Variants in GPC6 observed in about 807,000 individuals in gnomAD.
The protein encoded by GPC6 is glypican-6.
GPC6 carries 14 observed loss-of-function variants against 55.2 expected under a neutral mutation model. The ratio of observed to expected loss-of-function variants is 0.25; its 90% CI spans 0.17 to 0.40. GPC6 has a LOEUF of 0.40. GPC6 is among the 10% of genes least tolerant of loss of function. GPC6 has a pLI of 1.00. For missense variants in GPC6, 641 were observed against 708.5 expected (o/e 0.90, Z 1.08); for synonymous variants, 278 against 259.6 (o/e 1.07, Z -0.68).
intron 1 of GPC6, among the ~76,000 whole-genome samples, chr13:93,239,636 G>T (rs4773724): frequency 0.57 from 86,042 of 150,960 alleles, 25,061 homozygotes; most frequent in African/African-American, 0.67. Context: ...GTTTTGTTTA[G>T]TTCTGGTCTG....
chr13:93,732,053 G>A (rs1350105673), intron 2 of GPC6, among the ~76,000 whole-genome samples: 5 of 152,070 alleles, frequency 3.3e-5, no homozygotes, highest in African/African-American at 1.2e-4. Flanking sequence ...TCGAAGCAAA[G>A]AAAAAAGAAG....
At chr13:93,705,890 T>A (rs962896011) in intron 2 of GPC6, among the ~76,000 whole-genome samples, 1 of 151,742 alleles carries the variant, frequency 6.6e-6, no homozygotes, top group South Asian at 2.1e-4. Context: ...TGTAATTTTC[T>A]TGTAATTATG....
chr13:93,299,361 AG>A (rs563549052), intron 1 of GPC6, among the ~76,000 whole-genome samples: 6 of 152,218 alleles, frequency 3.9e-5, no homozygotes, highest in Non-Finnish European at 8.8e-5. Flanking sequence ...CCTTCATGGA[AG>A]CTAAGTACTT....
intron 3 of GPC6, chr13:93,836,107 G>A (rs972136089): frequency 6.6e-6 from 1 of 152,154 alleles, no homozygotes; most frequent in African/African-American, 2.4e-5. Flanking sequence ...CTCTTAAGTG[G>A]TTCATTCCCA....
At chr13:93,373,732 T>C (rs781259164) in intron 1 of GPC6, among the ~76,000 whole-genome samples, 7 of 152,238 alleles carry the variant, frequency 4.6e-5, no homozygotes. Flanking sequence ...GTTAATCACA[T>C]AGTTAATTCC....
chr13:93,353,142 TA>T (rs1249374197), intron 1 of GPC6, among the ~76,000 whole-genome samples: 1 of 152,148 alleles, frequency 6.6e-6, no homozygotes, highest in East Asian at 1.9e-4. Flanking sequence ...TGCTTTTTAC[TA>T]CCAAAGAGGA....
intron 4 of GPC6, among the ~76,000 whole-genome samples, chr13:94,095,791 GTAAT>G (rs1319692647): frequency 2.0e-5 from 3 of 152,268 alleles, no homozygotes; most frequent in Admixed American, 1.3e-4. Flanking sequence ...GGCTATTCCA[GTAAT>G]GCATTAAATT....
intron 2 of GPC6, among the ~76,000 whole-genome samples, chr13:93,582,548 T>C (rs527395009): frequency 6.6e-6 from 1 of 152,244 alleles, no homozygotes; most frequent in Non-Finnish European, 1.5e-5. Flanking sequence ...TAACCCCATT[T>C]CATAGGAGGG....
the GPC6 span, among the ~76,000 whole-genome samples, chr13:93,216,808 A>G: frequency 1.3e-5 from 2 of 152,210 alleles, no homozygotes; most frequent in African/African-American, 4.8e-5. Flanking sequence ...TGGCAAGACA[A>G]AATTTTCTCC....
chr13:94,345,485 A>G (rs1326312297), intron 6 of GPC6, among the ~76,000 whole-genome samples: 1 of 152,332 alleles, frequency 6.6e-6, no homozygotes, highest in East Asian at 1.9e-4. Flanking sequence ...CTGTTCATCT[A>G]CTTTTATTTA....
At chr13:94,101,392 T>C (rs1885853911) in intron 4 of GPC6, among the ~76,000 whole-genome samples, 1 of 152,232 alleles carries the variant, frequency 6.6e-6, no homozygotes, top group Admixed American at 6.5e-5. Context: ...CTTGAACTTA[T>C]GTCCATGGAC....
At chr13:94,071,766 G>A (rs980289663) in intron 4 of GPC6, among the ~76,000 whole-genome samples, 1 of 152,120 alleles carries the variant, frequency 6.6e-6, no homozygotes, top group African/African-American at 2.4e-5. Context: ...TAAAAAATAT[G>A]CAGTGAAGTT....
intron 4 of GPC6, among the ~76,000 whole-genome samples, chr13:94,081,627 G>A (rs1331203906): frequency 6.6e-6 from 1 of 152,096 alleles, no homozygotes; most frequent in Non-Finnish European, 1.5e-5. Flanking sequence ...TCCATATGTA[G>A]GCAAAGTTGA....
At chr13:94,348,472 A>G (rs1878390605) in intron 6 of GPC6, among the ~76,000 whole-genome samples, 1 of 152,198 alleles carries the variant, frequency 6.6e-6, no homozygotes. Flanking sequence ...AAACTCCCAG[A>G]TAAGGCCAAT....
chr13:94,311,134 C>T (rs919773575), intron 6 of GPC6, among the ~76,000 whole-genome samples: 6 of 152,176 alleles, frequency 3.9e-5, no homozygotes, highest in Admixed American at 2.6e-4. Context: ...GACAAGAACA[C>T]TCAGGCTATC....
intron 1 of GPC6, among the ~76,000 whole-genome samples, chr13:93,533,159 G>C (rs1269140775): frequency 1.3e-5 from 2 of 152,138 alleles, no homozygotes; most frequent in Non-Finnish European, 2.9e-5. Flanking sequence ...TGGAGGTTTA[G>C]GGTATTTGAA....
At chr13:94,327,436 A>C (rs1877182288) in intron 6 of GPC6, among the ~76,000 whole-genome samples, 1 of 151,618 alleles carries the variant, frequency 6.6e-6, no homozygotes, top group South Asian at 2.1e-4. Context: ...CCCCATCTCT[A>C]CCTCACAGCT....
the GPC6 span, among the ~76,000 whole-genome samples, chr13:93,218,622 A>G: frequency 6.6e-6 from 1 of 152,334 alleles, no homozygotes; most frequent in Admixed American, 6.5e-5. Context: ...AGGAATCTAA[A>G]CTAAAACAAA....
At chr13:94,015,752 T>C (rs1882440631) in intron 3 of GPC6, among the ~76,000 whole-genome samples, 1 of 152,178 alleles carries the variant, frequency 6.6e-6, no homozygotes, top group African/African-American at 2.4e-5. Flanking sequence ...TTGGTGAGGA[T>C]ATTATCCTTT....
Sources: allele counts gnomAD v4.1 joint callset (sites outside exome capture counted in the v4.1 genomes callset), GRCh38; gene constraint gnomAD v4.1.1; transcripts MANE v1.5; gene names NCBI Gene and HGNC (gene_info 2026-07-23, HGNC 2026-07-21).